MGAT5: variants seen among roughly 807,000 people sequenced by gnomAD.
The protein encoded by MGAT5 is alpha-1,6-mannosylglycoprotein 6-beta-N-acetylglucosaminyltransferase.
In MGAT5, 30 loss-of-function variants were observed where a neutral mutation model predicts 94.3. The observed-to-expected ratio is 0.32, with a 90% CI of 0.24 to 0.43. MGAT5 has a LOEUF of 0.43. Ranked by LOEUF, MGAT5 falls within the 20% of genes least tolerant of loss-of-function variation. The pLI is 1.00. For synonymous variants in MGAT5, 310 were observed against 322.9 expected, an observed-to-expected ratio of 0.96 and a Z score of 0.43; for missense variants, 691 against 905.5, an observed-to-expected ratio of 0.76 and a Z score of 3.04.
At chr2:134,177,995 A>T (rs552059922) in intron 1 of MGAT5, among the ~76,000 whole-genome samples, 63 of 152,328 alleles carry the variant, frequency 4.1e-4, no homozygotes, top group South Asian at 1.9e-3. Context: ...AATGTGATTT[A>T]AAAAACTTAA....
At chr2:134,398,498 A>G (rs1682842955) in intron 10 of MGAT5, among the ~76,000 whole-genome samples, 1 of 152,142 alleles carries the variant, frequency 6.6e-6, no homozygotes, top group African/African-American at 2.4e-5. Context: ...GACGTCCAGG[A>G]GAAATATGTG....
At chr2:134,419,442 T>TTGTGTGTGTG (rs56181696) in intron 12 of MGAT5, among the ~76,000 whole-genome samples, 4,983 of 134,088 alleles carry the variant, frequency 0.037, 129 homozygotes, top group East Asian at 0.059. Context: ...GCTTCAGGGT[T>TTGTGTGTGTG]TGTGTGTGTG....
intron 2 of MGAT5, among the ~76,000 whole-genome samples, chr2:134,306,827 G>T (rs1367360521): frequency 1.3e-5 from 2 of 152,118 alleles, no homozygotes; most frequent in Admixed American, 1.3e-4. Context: ...TCTCTTACAA[G>T]ACAAAGCCCC....
At chr2:134,125,861 A>G (rs1685816296) in intron 1 of MGAT5, among the ~76,000 whole-genome samples, 1 of 152,220 alleles carries the variant, frequency 6.6e-6, no homozygotes, top group Admixed American at 6.5e-5. Flanking sequence ...TAAGTTTGAC[A>G]TGATAAGAAT....
At chr2:134,281,639 G>C (rs774931247) in intron 2 of MGAT5, among the ~76,000 whole-genome samples, 9 of 152,156 alleles carry the variant, frequency 5.9e-5, no homozygotes, top group Non-Finnish European at 1.5e-5. Context: ...GAAGTTGTAT[G>C]GCTCCTGTGC....
intron 1 of MGAT5, among the ~76,000 whole-genome samples, chr2:134,256,124 G>C (rs1371563696): frequency 1.3e-5 from 2 of 152,128 alleles, no homozygotes; most frequent in Non-Finnish European, 1.5e-5. Flanking sequence ...CTAAAAAAAT[G>C]GTACCTTTTT....
At position 134,254,599 on chromosome 2, in the gene MGAT5, A is replaced by G. The variant is rs1193925562; in HGVS notation, c.196A>G (p.Arg66Gly). ...CATCAAGGCACTGGCAGAAGAAAACAGGAATGTGGTGGATGGGCCATACGC... is the reference window on the plus strand; with the variant it reads ...CATCAAGGCACTGGCAGAAGAAAACGGGAATGTGGTGGATGGGCCATACGC... ...RYIKALAEEN[R>G]NVVDGPYAGV... is the part of the protein sequence containing the mutation. The change falls in exon 1 of 16, where the codon AGG (arginine) becomes GGG (glycine). Residue 66 changes from arginine (R) to glycine (G), a missense_variant. Physicochemically the swap from Arg to Gly is moderately radical, Grantham distance 125 (BLOSUM62 -2). Coordinates refer to ENST00000281923, the MANE Select transcript of MGAT5 (RefSeq NM_002410.5). 6.2e-7 allele frequency: 1 copy of G among 1,614,232 alleles called. No homozygotes were observed. The highest frequency in any genetic ancestry group is 1.1e-5 in the South Asian group (1 of 91,090).
At chr2:134,203,079 T>A (rs1679875784) in intron 1 of MGAT5, among the ~76,000 whole-genome samples, 1 of 152,192 alleles carries the variant, frequency 6.6e-6, no homozygotes, top group Admixed American at 6.5e-5. Context: ...ATAATATAAC[T>A]TTTTTTATGG....
At chr2:134,256,468 A>C (rs576157408) in intron 1 of MGAT5, among the ~76,000 whole-genome samples, 8 of 152,310 alleles carry the variant, frequency 5.3e-5, no homozygotes, top group Admixed American at 3.9e-4. Context: ...GGGCAAGAAG[A>C]AGCCCCACAA....
At chr2:134,337,124 T>A (rs1014187211) in intron 5 of MGAT5, among the ~76,000 whole-genome samples, 3 of 152,188 alleles carry the variant, frequency 2.0e-5, no homozygotes, top group Admixed American at 6.6e-5. Flanking sequence ...GCCCAAGGGC[T>A]GTAGTTTGCT....
In MGAT5 at chr2:134,452,153, C is replaced by A. The variant is rs946015112; in HGVS notation, c.*3306C>A. The A allele has an allele frequency of 6.6e-6, 1 of 152,200 alleles. No individual in the cohort carries two copies. Among genetic ancestry groups the A allele is most frequent in the East Asian group, 1.9e-4 (1 of 5,196 alleles). The allele number at this position is 152,200 out of a possible 1,614,324, so 9.4% of individuals were successfully genotyped here. A position where few individuals can be genotyped will look rare whatever the true frequency, so the allele number is the denominator to read the frequency against. ...GACACCAGACGCTCCCTATAACCCC[C>A]CCGCCAGGCCATAGCGTGTATGCAT... On this transcript the variant is annotated 3_prime_UTR_variant, in exon 16 of 16. Transcript: ENST00000281923.
chr2:134,373,925 C>T (rs1029267698), intron 10 of MGAT5, among the ~76,000 whole-genome samples: 4 of 152,174 alleles, frequency 2.6e-5, no homozygotes, highest in African/African-American at 4.8e-5. Context: ...GTTCATTCCT[C>T]GTCAACACTG....
At chr2:134,412,071 T>A (rs905224480) in intron 11 of MGAT5, among the ~76,000 whole-genome samples, 1 of 152,178 alleles carries the variant, frequency 6.6e-6, no homozygotes, top group Non-Finnish European at 1.5e-5. Flanking sequence ...AGCAGTTATT[T>A]CATTTTTGGA....
intron 1 of MGAT5, among the ~76,000 whole-genome samples, chr2:134,180,341 C>T (rs1329855394): frequency 6.6e-6 from 1 of 152,192 alleles, no homozygotes; most frequent in African/African-American, 2.4e-5. Context: ...AGTAACAAAT[C>T]TGCTGCGGAT....
At position 134,422,861 on chromosome 2, in the gene MGAT5, T is replaced by C. The variant is rs1558875474; in HGVS notation, c.1736T>C (p.Val579Ala). The change falls in exon 13 of 16, where the codon GTT (valine) becomes GCT (alanine). Residue 579 changes from valine (V) to alanine (A), a missense_variant. Coordinates refer to ENST00000281923, the MANE Select transcript of MGAT5 (RefSeq NM_002410.5). ...VFIGRPHVWT[V>A]DLNNQEEVED... ...ATCGGGCGGCCACATGTGTGGACTG[T>C]TGACCTCAACAATCAGGAGGAAGTA... The C allele has an allele frequency of 1.2e-6, 2 of 1,613,988 alleles. No homozygotes were observed. The highest frequency in any genetic ancestry group is 1.7e-6 in the Non-Finnish European group (2 of 1,179,868).
In MGAT5 at chr2:134,450,165, G is replaced by A. The variant is rs969873052; in HGVS notation, c.*1318G>A. 1 of 152,292 alleles carries A rather than the reference G, an allele frequency of 6.6e-6. No homozygotes were observed. The allele number at this position is 152,292 out of a possible 1,614,324, so 9.4% of individuals were successfully genotyped here. The stretch of plus-strand genomic sequence containing the variant: ...GTTCCCACCCCACTGAATCATTGCT[G>A]CCATGCTCTGTACAAGTTTGTAAGT... On this transcript the variant is annotated 3_prime_UTR_variant, in exon 16 of 16. Coordinates refer to ENST00000281923, the MANE Select transcript of MGAT5 (RefSeq NM_002410.5).
chr2:134,222,879 A>T (rs780766211), intron 1 of MGAT5, among the ~76,000 whole-genome samples: 1 of 152,062 alleles, frequency 6.6e-6, no homozygotes. Flanking sequence ...TAAAAGACTG[A>T]CTTATTTTTA....
rs376728915 is a variant in MGAT5 at position 134,336,351 on chromosome 2, T to C, written c.645+63T>C. 61 of 1,351,800 alleles carry C rather than the reference T, an allele frequency of 4.5e-5. No homozygotes were observed. The East Asian group carries it at 9.5e-4, about 21-fold the overall frequency. The allele number at this position is 1,351,800 out of a possible 1,614,324, so 83.7% of individuals were successfully genotyped here. ...TTTAGGTCAGATGCCAAGTGATACATGTGGAATCTTCTAGAAATGCCAACT... is the reference window on the plus strand; with the variant it reads ...TTTAGGTCAGATGCCAAGTGATACACGTGGAATCTTCTAGAAATGCCAACT... On this transcript the variant is annotated intron_variant, in intron 5 of 15. Transcript: ENST00000281923.
chr2:134,268,073 C>T lies in MGAT5; in HGVS notation c.242-2313C>T, dbSNP rs1683824510. 6.6e-6 allele frequency among the ~76,000 whole-genome samples: 1 copy of T among 152,154 alleles called. No homozygotes were observed. Among genetic ancestry groups the T allele is most frequent in the South Asian group, 2.1e-4 (1 of 4,830 alleles). ...CACCTGGATAATTGCTGTTGTCATT[C>T]AGGGAGTAGAGACCAGGGATGCTGC... On this transcript the variant is annotated intron_variant, in intron 1 of 15. Transcript: ENST00000281923. This position sits in a 1 kb window ranked among gnomAD's most constrained non-coding sequence, Gnocchi z 4.1.
Sources: allele counts gnomAD v4.1 joint callset (sites outside exome capture counted in the v4.1 genomes callset), GRCh38; gene constraint gnomAD v4.1.1; non-coding constraint Gnocchi (gnomAD v3.1); transcripts MANE v1.5; gene names NCBI Gene and HGNC (gene_info 2026-07-23, HGNC 2026-07-21).